Variants in DHX8 observed in about 807,000 individuals in gnomAD.
DHX8 encodes ATP-dependent RNA helicase DHX8.
DHX8 carries 67 observed loss-of-function variants against 140.7 expected under a neutral mutation model. The observed-to-expected ratio is 0.48, with a 90% CI of 0.39 to 0.58. DHX8 has a LOEUF of 0.58. DHX8 is among the 20% of genes least tolerant of loss of function. DHX8 has a pLI of 0.00. For missense variants in DHX8, 887 were observed against 1,550.7 expected, an observed-to-expected ratio of 0.57 and a Z score of 7.19; for synonymous variants, 533 against 553.2, an observed-to-expected ratio of 0.96 and a Z score of 0.51.
chr17:43,525,559 T>A lies in DHX8; in HGVS notation c.*1712T>A. 1.0e-6 allele frequency: 1 copy of A among 985,300 alleles called. No homozygotes were observed. The highest frequency in any genetic ancestry group is 1.1e-4 in the East Asian group (1 of 8,808). The allele number at this position is 985,300 out of a possible 1,614,324, so 61.0% of individuals were successfully genotyped here. On this transcript the variant is annotated 3_prime_UTR_variant, in exon 23 of 23. Coordinates refer to ENST00000262415, the MANE Select transcript of DHX8 (RefSeq NM_004941.3). ...TTGTGTGTTAACCTTGAAGGCCTTC[T>A]GGGGAGAGACAGTACAGGGACCTCA...
chr17:43,509,000 T>C lies in DHX8; in HGVS notation c.2502+480T>C, dbSNP rs1248301342. Among the ~76,000 whole-genome samples, 4 of 152,184 alleles carry C rather than the reference T, an allele frequency of 2.6e-5. No individual in the cohort carries two copies. The East Asian group carries it at 7.7e-4, about 29-fold the overall frequency. On this transcript the variant is annotated intron_variant, in intron 16 of 22. Coordinates refer to ENST00000262415, the MANE Select transcript of DHX8 (RefSeq NM_004941.3). The stretch of plus-strand genomic sequence containing the variant: ...AGGAATGAGGTCCAACCAATTTGTT[T>C]AGTATGTGACCTCTCCTCTTCTTCC...
Position 43,509,637 on chromosome 17 carries a change from C to T in DHX8, c.2502+1117C>T, listed in dbSNP as rs983907782. Among the ~76,000 whole-genome samples, 72 of 152,104 alleles carry T rather than the reference C, an allele frequency of 4.7e-4. 1 individual carries two copies. Among genetic ancestry groups the T allele is most frequent in the African/African-American group, 1.7e-3 (70 of 41,504 alleles). ...CAGCTGGGACTACAGGTGCATGCCA[C>T]CATTCTTGGCTAATTTTGGTTTTTG... is the stretch of plus-strand genomic sequence containing the variant. On this transcript the variant is annotated intron_variant, in intron 16 of 22. Transcript: ENST00000262415.
At chr17:43,537,084 G>A (rs775927677) in intron 3 of DHX8, among the ~76,000 whole-genome samples, 12 of 152,220 alleles carry the variant, frequency 7.9e-5, no homozygotes, top group Non-Finnish European at 1.6e-4. Context: ...CATAGGAGGC[G>A]GCCAGGCATG....
intron 8 of DHX8, among the ~76,000 whole-genome samples, chr17:43,494,331 T>A (rs2154586401): frequency 1.3e-5 from 2 of 152,288 alleles, no homozygotes; most frequent in South Asian, 4.1e-4. Flanking sequence ...TATCAGCCAC[T>A]TATTAGCCGT....
intron 12 of DHX8, among the ~76,000 whole-genome samples, chr17:43,505,191 C>G (rs945215647): frequency 2.0e-5 from 3 of 152,008 alleles, no homozygotes; most frequent in Non-Finnish European, 4.4e-5. Flanking sequence ...GGGCGGATCA[C>G]AAGTTCAGGA....
chr17:43,540,587 G>T (rs1326664059), intron 3 of DHX8, among the ~76,000 whole-genome samples: 3 of 152,168 alleles, frequency 2.0e-5, no homozygotes, highest in Admixed American at 6.5e-5. Flanking sequence ...CCTGTGTCAG[G>T]CTTGAGTGCA....
At chr17:43,536,302 T>A in intron 2 of DHX8, 2 of 856,242 alleles carry the variant, frequency 2.3e-6, no homozygotes, top group South Asian at 3.1e-5. Flanking sequence ...TGCCTTGGTC[T>A]TTAAGATCAA....
At chr17:43,489,869 A>AT (rs1246612547) in intron 2 of DHX8, among the ~76,000 whole-genome samples, 5 of 152,062 alleles carry the variant, frequency 3.3e-5, no homozygotes, top group African/African-American at 1.2e-4. Flanking sequence ...GGATTACATA[A>AT]TTTATGTTTT....
At chr17:43,520,651 A>G in intron 19 of DHX8, 100 bp from the exon 20 acceptor site, 1 of 1,433,512 alleles carries the variant, frequency 7.0e-7, no homozygotes, top group African/African-American at 1.4e-5. Flanking sequence ...ATGCTTTGGG[A>G]AAATCTGTGT....
At chr17:43,532,865 G>C in intron 2 of DHX8, 2 of 1,610,840 alleles carry the variant, frequency 1.2e-6, no homozygotes, top group Non-Finnish European at 1.7e-6. Context: ...TTGGTAGGGG[G>C]CTGGGAGGGG....
chr17:43,508,613 C>A, intron 16 of DHX8, 93 bp downstream of exon 16: 2 of 728,326 alleles, frequency 2.7e-6, no homozygotes, highest in Non-Finnish European at 4.3e-6. Context: ...AGGGTGTATG[C>A]AAGTCTTTTT....
At chr17:43,497,063 C>G (rs1186292629) in intron 9 of DHX8, among the ~76,000 whole-genome samples, 1 of 152,154 alleles carries the variant, frequency 6.6e-6, no homozygotes, top group East Asian at 1.9e-4. Flanking sequence ...CCTACATGCT[C>G]CCCTCTGCTT....
In DHX8 at chr17:43,489,305, A is replaced by AG. The variant is rs527747900; in HGVS notation, c.149-143dup. The AG allele has an allele frequency of 7.5e-5, 45 of 601,628 alleles. 1 individual carries two copies. In the Admixed American group the frequency reaches 1.2e-3, roughly 16 times the overall value. 37.3% of individuals were successfully genotyped at this position (601,628 alleles called of 1,614,324 possible). On this transcript the variant is annotated intron_variant, in intron 1 of 22. Transcript: ENST00000262415. ...CAGGCATGAGCCACCACACCTGGCC[A>AG]GATTTTCTCTCTTTACCCTTACCAG...
At chr17:43,532,413 C>T (rs1970990523) in intron 2 of DHX8, among the ~76,000 whole-genome samples, 1 of 151,912 alleles carries the variant, frequency 6.6e-6, no homozygotes, top group African/African-American at 2.4e-5. Flanking sequence ...GCACAAGAAT[C>T]GCTTGAACCC....
At chr17:43,512,262 C>T (rs1401444684) in intron 16 of DHX8, among the ~76,000 whole-genome samples, 1 of 151,840 alleles carries the variant, frequency 6.6e-6, no homozygotes, top group Admixed American at 6.6e-5. Flanking sequence ...TGACACGTGC[C>T]TGTAATCTCA....
chr17:43,529,048 T>A, downstream of DHX8: 1 of 1,267,494 alleles, frequency 7.9e-7, no homozygotes, highest in Non-Finnish European at 1.2e-6. Context: ...ACAAAGTTGC[T>A]GAGAACTGCC....
downstream of DHX8, chr17:43,528,628 C>G (rs1418923652): frequency 1.9e-6 from 3 of 1,614,206 alleles, no homozygotes; most frequent in South Asian, 2.2e-5. Flanking sequence ...GTCCTCCTCA[C>G]TGACAGGCCG....
Position 43,524,993 on chromosome 17 carries a change from TG to T in DHX8, c.*1147del. The T allele has an allele frequency of 1.0e-6, 1 of 984,626 alleles. No individual in the cohort carries two copies. The highest frequency in any genetic ancestry group is 1.2e-6 in the Non-Finnish European group (1 of 829,484). 61.0% of individuals were successfully genotyped at this position (984,626 alleles called of 1,614,324 possible). A position where few individuals can be genotyped will look rare whatever the true frequency, so the allele number is the denominator to read the frequency against. ...TCTTCCCATAGAGATGGGTTCCCAC[TG>T]TGCTGCCCAGGCTGCTCTCCAATCC... On this transcript the variant is annotated 3_prime_UTR_variant, in exon 23 of 23. Transcript: ENST00000262415.
chr17:43,486,750 C>T (rs983657152), intron 1 of DHX8, among the ~76,000 whole-genome samples: 11 of 151,746 alleles, frequency 7.2e-5, no homozygotes, highest in Admixed American at 5.3e-4. Flanking sequence ...TGGTGGTGCA[C>T]GCCTGTAATC....
Sources: allele counts gnomAD v4.1 joint callset (sites outside exome capture counted in the v4.1 genomes callset), GRCh38; gene constraint gnomAD v4.1.1; transcripts MANE v1.5; gene names NCBI Gene and HGNC (gene_info 2026-07-23, HGNC 2026-07-21).